The following ADGRL4 variants were observed in gnomAD, a reference collection of about 807,000 sequenced individuals.
The protein encoded by ADGRL4 is EGF, latrophilin and seven transmembrane domain containing 1.
A neutral mutation model predicts 74.8 loss-of-function variants in ADGRL4; 90 were observed. That is an observed-to-expected ratio of 1.20 (90% CI 1.02 to 1.43). The LOEUF (loss-of-function observed/expected upper bound fraction) is 1.43. Ranked by LOEUF, ADGRL4 falls within the 40% of genes most tolerant of loss-of-function variation. The pLI is 0.00. For missense variants in ADGRL4, 881 were observed against 814.3 expected, an observed-to-expected ratio of 1.08 and a Z score of -1.00; for synonymous variants, 311 against 279.2, an observed-to-expected ratio of 1.11 and a Z score of -1.14.
chr1:78,948,962 T>C (rs1293894162), intron 2 of ADGRL4, among the ~76,000 whole-genome samples: 1 of 152,150 alleles, frequency 6.6e-6, no homozygotes, highest in Non-Finnish European at 1.5e-5. Flanking sequence ...CAGAAGCATA[T>C]AATTGAGTTT....
rs550299601 is a variant in ADGRL4 at position 78,907,741 on chromosome 1, G to C, written c.1749+9893C>G. Among the ~76,000 whole-genome samples the C allele has an allele frequency of 5.9e-5, 9 of 152,074 alleles. No homozygotes were observed. The South Asian group carries it at 1.9e-3, about 32-fold the overall frequency. ...GGGAATGTTTTAGGGCAGAGGTGCTGAGATGGGAAGGTACATAGAACCTCT... is the reference window on the plus strand; with the variant it reads ...GGGAATGTTTTAGGGCAGAGGTGCTCAGATGGGAAGGTACATAGAACCTCT... On this transcript the variant is annotated intron_variant, in intron 12 of 14. Coordinates refer to ENST00000370742, the MANE Select transcript of ADGRL4 (RefSeq NM_022159.4).
At chr1:78,892,946 T>C (rs1162933374) in intron 13 of ADGRL4, 152 bp downstream of exon 13, 5 of 572,394 alleles carry the variant, frequency 8.7e-6, no homozygotes, top group African/African-American at 1.9e-5. Context: ...TTAATATACA[T>C]ACTAAATGCT....
At chr1:78,990,859 C>T (rs1650594640) in intron 2 of ADGRL4, among the ~76,000 whole-genome samples, 1 of 151,946 alleles carries the variant, frequency 6.6e-6, no homozygotes, top group South Asian at 2.1e-4. Flanking sequence ...AAATAATCTT[C>T]AGAACTTATC....
At position 78,921,796 on chromosome 1, in the gene ADGRL4, A is replaced by G; in HGVS notation, c.1084-10T>C. 1 of 1,447,758 alleles carries G rather than the reference A, an allele frequency of 6.9e-7. No homozygotes were observed. Among genetic ancestry groups the G allele is most frequent in the East Asian group, 2.6e-5 (1 of 38,104 alleles). The allele number at this position is 1,447,758 out of a possible 1,614,324, so 89.7% of individuals were successfully genotyped here. A position where few individuals can be genotyped will look rare whatever the true frequency, so the allele number is the denominator to read the frequency against. Reference sequence around the variant, plus strand: ...TATACCTATCTGTGACCTGAAAAAAAGATACTTTACTGATGAAAAAAGAGA... The same window carrying G: ...TATACCTATCTGTGACCTGAAAAAAGGATACTTTACTGATGAAAAAAGAGA... On this transcript the variant is annotated splice_polypyrimidine_tract_variant and intron_variant, in intron 8 of 14. Transcript: ENST00000370742.
chr1:78,898,601 T>G (rs573025861), intron 12 of ADGRL4, among the ~76,000 whole-genome samples: 1 of 151,972 alleles, frequency 6.6e-6, no homozygotes, highest in African/African-American at 2.4e-5. Flanking sequence ...AGATGGCAAG[T>G]ATAAGAACTT....
At chr1:78,979,693 A>G (rs1650361912) in intron 2 of ADGRL4, among the ~76,000 whole-genome samples, 1 of 151,982 alleles carries the variant, frequency 6.6e-6, no homozygotes, top group Non-Finnish European at 1.5e-5. Flanking sequence ...TGTAGAATGT[A>G]TACACCATGG....
chr1:78,967,642 G>A (rs562992942), intron 2 of ADGRL4, among the ~76,000 whole-genome samples: 9 of 152,160 alleles, frequency 5.9e-5, no homozygotes, highest in African/African-American at 2.2e-4. Flanking sequence ...AATTAATCTT[G>A]TGGAAGAGGT....
chr1:78,928,218 G>A (rs1370005315), intron 7 of ADGRL4, among the ~76,000 whole-genome samples: 2 of 151,402 alleles, frequency 1.3e-5, no homozygotes, highest in African/African-American at 4.9e-5. Flanking sequence ...GCTTTCCTTT[G>A]TGAAGAAAAA....
At chr1:78,967,986 T>C (rs903510096) in intron 2 of ADGRL4, among the ~76,000 whole-genome samples, 5 of 152,160 alleles carry the variant, frequency 3.3e-5, no homozygotes, top group African/African-American at 4.8e-5. Flanking sequence ...CAGAGGGTGC[T>C]TGGAGTGTCC....
At chr1:78,955,997 A>G (rs977609400) in intron 2 of ADGRL4, among the ~76,000 whole-genome samples, 1 of 152,130 alleles carries the variant, frequency 6.6e-6, no homozygotes, top group Non-Finnish European at 1.5e-5. Context: ...CTTTTTCCAG[A>G]TTATATTCTA....
At chr1:78,958,042 ATC>A (rs1230069955) in intron 2 of ADGRL4, among the ~76,000 whole-genome samples, 5 of 152,214 alleles carry the variant, frequency 3.3e-5, no homozygotes, top group African/African-American at 1.2e-4. Flanking sequence ...ATGACAGCAC[ATC>A]TGTTTACAGC....
chr1:79,005,473 TAAAC>T (rs1442412197), intron 1 of ADGRL4, among the ~76,000 whole-genome samples: 1 of 152,166 alleles, frequency 6.6e-6, no homozygotes, highest in Non-Finnish European at 1.5e-5. Flanking sequence ...TAAAATGTAA[TAAAC>T]AACTCAGCTT....
chr1:78,921,628 G>C lies in ADGRL4; in HGVS notation c.1242C>G (p.Ser414=), dbSNP rs1411426346. The change falls in exon 9 of 15, where the codon TCC becomes TCG. Residue 414 remains serine, a synonymous_variant. Transcript: ENST00000370742. Reference sequence around the variant, plus strand: ...ATTATCTTACAATGGAAGGACCAGAGGACATCAAAATTGCAAAATGTGTCA... The same window carrying C: ...ATTATCTTACAATGGAAGGACCAGACGACATCAAAATTGCAAAATGTGTCA... ...NHLTHFAILM[S]SGPSIGIKDY... is the part of the protein sequence containing the mutation. 7.6e-6 allele frequency: 12 copies of C among 1,571,558 alleles called. No homozygotes were observed. The South Asian group carries it at 1.3e-4, about 17-fold the overall frequency.
chr1:78,909,545 C>G (rs1021915796), intron 12 of ADGRL4, among the ~76,000 whole-genome samples: 1 of 151,864 alleles, frequency 6.6e-6, no homozygotes, highest in African/African-American at 2.4e-5. Context: ...TTTGATCCAA[C>G]GTGTCAGCTC....
intron 12 of ADGRL4, among the ~76,000 whole-genome samples, chr1:78,894,665 T>C (rs949018346): frequency 1.3e-5 from 2 of 151,866 alleles, no homozygotes; most frequent in East Asian, 1.9e-4. Context: ...TATATGCACA[T>C]ATATTTACAA....
chr1:78,898,225 C>T (rs776674992), intron 12 of ADGRL4, among the ~76,000 whole-genome samples: 1 of 152,078 alleles, frequency 6.6e-6, no homozygotes, highest in Admixed American at 6.6e-5. Flanking sequence ...TTGGGTTGAA[C>T]AGCTAGAAAG....
chr1:78,922,699 C>G (rs1649025102), intron 8 of ADGRL4, among the ~76,000 whole-genome samples: 1 of 151,878 alleles, frequency 6.6e-6, no homozygotes. Context: ...CCTCATAAAC[C>G]TTCTCTGAGA....
intron 2 of ADGRL4, among the ~76,000 whole-genome samples, chr1:78,979,345 GTTC>G (rs1437019364): frequency 2.6e-5 from 4 of 151,796 alleles, no homozygotes; most frequent in Admixed American, 2.0e-4. Context: ...ACATGACCAC[GTTC>G]TTCTTCTATT....
chr1:78,913,227 G>A (rs1360055674), intron 12 of ADGRL4, among the ~76,000 whole-genome samples: 2 of 151,856 alleles, frequency 1.3e-5, no homozygotes, highest in African/African-American at 4.8e-5. Context: ...AAGACAGGGT[G>A]GTGATTCCTC....
Sources: allele counts gnomAD v4.1 joint callset (sites outside exome capture counted in the v4.1 genomes callset), GRCh38; gene constraint gnomAD v4.1.1; transcripts MANE v1.5; gene names NCBI Gene and HGNC (gene_info 2026-07-23, HGNC 2026-07-21).